Variants in COL18A1 observed in about 807,000 individuals in gnomAD.
The protein encoded by COL18A1 is collagen alpha-1(XVIII) chain.
In COL18A1, 133 loss-of-function variants were observed where a neutral mutation model predicts 168.0. The ratio of observed to expected loss-of-function variants is 0.79; its 90% CI spans 0.69 to 0.91. The LOEUF is 0.91. COL18A1 is among the 40% of genes least tolerant of loss of function. The pLI, the probability that COL18A1 is intolerant of heterozygous loss-of-function variation, is 0.00. For missense variants in COL18A1, 2,126 were observed against 1,925.4 expected (o/e 1.10, Z -1.95); for synonymous variants, 949 against 809.0 (o/e 1.17, Z -2.94).
intron 2 of COL18A1, among the ~76,000 whole-genome samples, chr21:45,451,053 T>TG (rs917977177): frequency 6.6e-6 from 1 of 152,088 alleles, no homozygotes; most frequent in African/African-American, 2.4e-5. Context: ...ACGGCACCAG[T>TG]GGGGGACAGC....
chr21:45,504,645 G>T (rs1006240738), intron 34 of COL18A1, 89 bp downstream of exon 34: 50 of 1,187,040 alleles, frequency 4.2e-5, no homozygotes, highest in Middle Eastern at 2.7e-4. Flanking sequence ...TTCGACACCC[G>T]CGAAGGCCGG....
In COL18A1 at chr21:45,491,304, C is replaced by T. The variant is rs764619601; in HGVS notation, c.2147C>T (p.Ser716Leu). The T allele has an allele frequency of 8.1e-6, 13 of 1,611,414 alleles. No homozygotes were observed. The highest frequency in any genetic ancestry group is 1.7e-4 in the Middle Eastern group (1 of 6,046). Residue 716 changes from serine (S) to leucine (L), a missense_variant, in exon 22 of 42, where the codon TCG (serine) becomes TTG (leucine). By Grantham distance (145) the Ser-to-Leu change is moderately radical. Transcript: ENST00000651438. Reference protein sequence around the residue: ...PGPPGPVVYVSEQDGSVLSVP... With the variant: ...PGPPGPVVYVLEQDGSVLSVP... Reference sequence around the variant, plus strand: ...CCCCCGGGACCTGTGGTCTACGTGTCGGAGCAGGACGTAAGGACGCTGCGT... The same window carrying T: ...CCCCCGGGACCTGTGGTCTACGTGTTGGAGCAGGACGTAAGGACGCTGCGT...
intron 28 of COL18A1, 176 bp from the exon 29 acceptor site, chr21:45,495,182 A>G (rs1280032160): frequency 4.5e-6 from 3 of 669,346 alleles, no homozygotes; most frequent in Non-Finnish European, 8.1e-6. Context: ...TCCTCCCAAA[A>G]GGGTCCTTGT....
rs190818148 is a variant in COL18A1, at chr21:45,452,767, A to T, written c.107-15475A>T. On this transcript the variant is annotated intron_variant, in intron 2 of 41. Coordinates refer to ENST00000651438, the MANE Select transcript of COL18A1 (RefSeq NM_001379500.1). ...GTACGTGTGATTGTGTATGCATGTG[A>T]GTATTCACTGACGTGTGAGCATGCA... Among the ~76,000 whole-genome samples, 239 of 147,158 alleles carry T rather than the reference A, an allele frequency of 1.6e-3. 1 individual carries two copies. The highest frequency in any genetic ancestry group is 5.9e-3 in the African/African-American group (232 of 39,414).
At chr21:45,499,614 T>TCCCTCAGGAACCTGCGTGGGCTGC (rs2036670356) in intron 32 of COL18A1, among the ~76,000 whole-genome samples, 2 of 152,078 alleles carry the variant, frequency 1.3e-5, no homozygotes, top group Non-Finnish European at 2.9e-5. Context: ...GGTCAGAGGC[T>TCCCTCAGGAACCTGCGTGGGCTGC]CCCGCAGGAA....
intron 37 of COL18A1, chr21:45,506,956 T>G: frequency 3.9e-6 from 1 of 254,566 alleles, no homozygotes; most frequent in East Asian, 1.0e-4. Context: ...GTGCCCACTG[T>G]GTGCCAGGTG....
intron 2 of COL18A1, among the ~76,000 whole-genome samples, chr21:45,429,328 G>A (rs1602362403): frequency 1.3e-5 from 2 of 152,340 alleles, no homozygotes; most frequent in East Asian, 1.9e-4. Context: ...AGGCATGGGC[G>A]TTGCAGGTGC....
rs371578518 is a variant in COL18A1, at chr21:45,505,463, C to T, written c.3087+32C>T. 6.9e-5 allele frequency: 80 copies of T among 1,167,842 alleles called. 1 individual carries two copies. Among genetic ancestry groups the T allele is most frequent in the South Asian group, 9.0e-5 (7 of 77,590 alleles). The allele number at this position is 1,167,842 out of a possible 1,614,324, so 72.3% of individuals were successfully genotyped here. ...GTCTGGGCAGCCGGCTGGGCACCTG[C>T]GTCCCGTGCCCTGGCTGGTTCTGCA... is the stretch of plus-strand genomic sequence containing the variant. On this transcript the variant is annotated intron_variant, in intron 36 of 41. Transcript: ENST00000651438.
rs1028390473 is a variant in COL18A1 at position 45,482,262 on chromosome 21, A to G, written c.1674+237A>G. The stretch of plus-strand genomic sequence containing the variant: ...ACTCACGGGTTTTAAGAACATGGGC[A>G]CCCTGCGAGATCTGAGATCTTACTC... On this transcript the variant is annotated intron_variant, in intron 14 of 41. Transcript: ENST00000651438. The G allele has an allele frequency of 1.3e-5, 8 of 632,990 alleles. No homozygotes were observed. The African/African-American group carries it at 1.3e-4, about 10-fold the overall frequency. 39.2% of individuals were successfully genotyped at this position (632,990 alleles called of 1,614,324 possible).
At chr21:45,455,850 T>C (rs775587295) in intron 2 of COL18A1, 3 of 1,613,092 alleles carry the variant, frequency 1.9e-6, no homozygotes, top group East Asian at 2.2e-5. Context: ...GAGGAGAACA[T>C]TGCCGGTGTC....
chr21:45,408,879 A>T (rs1187345371), intron 2 of COL18A1, among the ~76,000 whole-genome samples: 3 of 152,132 alleles, frequency 2.0e-5, no homozygotes, highest in Non-Finnish European at 1.5e-5. Context: ...GCTGTGGGGG[A>T]TGGAGTGGGG....
chr21:45,430,681 G>A (rs563262777), intron 2 of COL18A1, among the ~76,000 whole-genome samples: 6 of 152,308 alleles, frequency 3.9e-5, no homozygotes, highest in East Asian at 1.9e-4. Context: ...CCGGGGTCTC[G>A]TGGCTGGTCT....
Position 45,473,919 on chromosome 21 carries a change from C to A in COL18A1, c.676C>A (p.Arg226Ser). 2 of 1,605,010 alleles carry A rather than the reference C, an allele frequency of 1.2e-6. No individual in the cohort carries two copies. The highest frequency in any genetic ancestry group is 1.7e-6 in the Non-Finnish European group (2 of 1,175,962). ...FQGVIAELKV[R>S]RDPQVSPMHC... ...GGGGGTGATCGCTGAGCTGAAGGTG[C>A]GCAGGGACCCCCAGGTGAGCCCCAT... Residue 226 changes from arginine (R) to serine (S), a missense_variant, in exon 4 of 42, where the codon CGC becomes AGC. Physicochemically the swap from Arg to Ser is moderately radical, Grantham distance 110. Coordinates refer to ENST00000651438, the MANE Select transcript of COL18A1 (RefSeq NM_001379500.1). This position sits in a 1 kb window ranked among gnomAD's most constrained non-coding sequence, Gnocchi z 4.0.
At chr21:45,501,556 C>T (rs1189775071) in intron 32 of COL18A1, among the ~76,000 whole-genome samples, 1 of 152,150 alleles carries the variant, frequency 6.6e-6, no homozygotes, top group African/African-American at 2.4e-5. Flanking sequence ...GTCAGAAACC[C>T]CTGGGAGCTT....
At chr21:45,417,659 G>T (rs1192074089) in intron 2 of COL18A1, among the ~76,000 whole-genome samples, 1 of 152,184 alleles carries the variant, frequency 6.6e-6, no homozygotes, top group Admixed American at 6.5e-5. Flanking sequence ...TGTGCACCAG[G>T]CCTGTTAATA....
At chr21:45,507,070 C>T in intron 37 of COL18A1, 1 of 336,950 alleles carries the variant, frequency 3.0e-6, no homozygotes. Context: ...GCTGGGAGGG[C>T]TGGGTGCTGG....
intron 2 of COL18A1, among the ~76,000 whole-genome samples, chr21:45,407,095 G>A (rs560087972): frequency 1.3e-5 from 2 of 152,180 alleles, no homozygotes; most frequent in Non-Finnish European, 2.9e-5. Context: ...CCCTCCCCCA[G>A]CCCGGAGAGA....
rs1311160876 is a variant in COL18A1, at chr21:45,512,504, A to G, written c.*106A>G. 2.0e-6 allele frequency: 2 copies of G among 1,009,974 alleles called. No homozygotes were observed. The highest frequency in any genetic ancestry group is 2.6e-5 in the East Asian group (1 of 39,134). 62.6% of individuals were successfully genotyped at this position (1,009,974 alleles called of 1,614,324 possible). On this transcript the variant is annotated 3_prime_UTR_variant, in exon 42 of 42. Transcript: ENST00000651438. ...CCCCTGGCCCCAGGACCTGGCTGCCATACTTTCCTGTATAGTTCACGTTTC... is the reference window on the plus strand; with the variant it reads ...CCCCTGGCCCCAGGACCTGGCTGCCGTACTTTCCTGTATAGTTCACGTTTC...
rs747303635 is a variant in COL18A1 at position 45,497,582 on chromosome 21, G to A, written c.2621-17G>A. ...CCTGGCACATTCCTGATGGGCACTG[G>A]GTCTCTCTTCCTCCAGGGAATCAGG... On this transcript the variant is annotated splice_polypyrimidine_tract_variant and intron_variant, in intron 31 of 41. Coordinates refer to ENST00000651438, the MANE Select transcript of COL18A1 (RefSeq NM_001379500.1). 38 of 1,555,604 alleles carry A rather than the reference G, an allele frequency of 2.4e-5. No homozygotes were observed. The South Asian group carries it at 3.8e-4, about 16-fold the overall frequency.
Sources: allele counts gnomAD v4.1 joint callset (sites outside exome capture counted in the v4.1 genomes callset), GRCh38; gene constraint gnomAD v4.1.1; non-coding constraint Gnocchi (gnomAD v3.1); transcripts MANE v1.5; gene names NCBI Gene and HGNC (gene_info 2026-07-23, HGNC 2026-07-21).